Variants in SLC25A21 observed in about 807,000 individuals in gnomAD.
The protein encoded by SLC25A21 is mitochondrial 2-oxodicarboxylate carrier.
SLC25A21 carries 47 observed loss-of-function variants against 43.8 expected under a neutral mutation model. The observed-to-expected ratio is 1.07, with a 90% CI of 0.85 to 1.37. The LOEUF is 1.37. Among genes scored for constraint, SLC25A21 ranks in the 40% most tolerant of loss-of-function variants. SLC25A21 has a pLI of 0.00. For missense variants in SLC25A21, 352 were observed against 350.2 expected, an observed-to-expected ratio of 1.00 and a Z score of -0.04; for synonymous variants, 131 against 121.3, an observed-to-expected ratio of 1.08 and a Z score of -0.52.
At chr14:37,044,667 A>G (rs955893125) in intron 1 of SLC25A21, among the ~76,000 whole-genome samples, 1 of 152,170 alleles carries the variant, frequency 6.6e-6, no homozygotes, top group Admixed American at 6.5e-5. Flanking sequence ...GGGCTTTCTT[A>G]AGGTAGATAC....
chr14:37,136,973 T>C (rs1186397741), intron 1 of SLC25A21, among the ~76,000 whole-genome samples: 1 of 152,154 alleles, frequency 6.6e-6, no homozygotes, highest in Admixed American at 6.5e-5. Flanking sequence ...ATTCTGTATG[T>C]CTGAAATCTG....
At chr14:36,710,555 C>T (rs28633981) in intron 7 of SLC25A21, among the ~76,000 whole-genome samples, 2,866 of 152,090 alleles carry the variant, frequency 0.019, 107 homozygotes, top group African/African-American at 0.066. Context: ...CTCAGCCTCC[C>T]GAGTAGCTTC....
At chr14:36,903,996 G>A (rs529546591) in intron 1 of SLC25A21, among the ~76,000 whole-genome samples, 3 of 152,264 alleles carry the variant, frequency 2.0e-5, no homozygotes, top group African/African-American at 7.2e-5. Context: ...TAGAATAAAC[G>A]CTCAGGCAAT....
chr14:37,057,455 T>C (rs1055893514), intron 1 of SLC25A21, among the ~76,000 whole-genome samples: 1 of 152,238 alleles, frequency 6.6e-6, no homozygotes, highest in African/African-American at 2.4e-5. Flanking sequence ...CAATTTCTTT[T>C]GAGTTTTCTA....
intron 3 of SLC25A21, among the ~76,000 whole-genome samples, chr14:36,812,202 T>A (rs1290244501): frequency 1.3e-5 from 2 of 152,050 alleles, no homozygotes; most frequent in Non-Finnish European, 2.9e-5. Flanking sequence ...TTAGGACAGT[T>A]GTGTTTTTCA....
chr14:36,916,538 T>G (rs1028983221), intron 1 of SLC25A21, among the ~76,000 whole-genome samples: 2 of 152,336 alleles, frequency 1.3e-5, no homozygotes, highest in Admixed American at 1.3e-4. Context: ...AATATGCCGA[T>G]GGAGTCTACT....
rs59081965 is a variant in SLC25A21, at chr14:37,043,940, G to GTT, written c.70+128339_70+128340dup. On this transcript the variant is annotated intron_variant, in intron 1 of 9. Transcript: ENST00000331299. Reference sequence around the variant, plus strand: ...TGTTTTGTTTGTTTTATGTTTTTTTGTTTTTTTTTTTTTTTTTGGTGGAGA... The same window carrying GTT: ...TGTTTTGTTTGTTTTATGTTTTTTTGTTTTTTTTTTTTTTTTTTTGGTGGAGA... Among the ~76,000 whole-genome samples, 68 of 56,780 alleles carry GTT rather than the reference G, an allele frequency of 1.2e-3. 1 individual carries two copies. The highest frequency in any genetic ancestry group is 3.7e-3 in the African/African-American group (54 of 14,460). The allele number at this position is 56,780 out of a possible 152,430, so 37.2% of individuals were successfully genotyped here. A position where few individuals can be genotyped will look rare whatever the true frequency, so the allele number is the denominator to read the frequency against.
intron 1 of SLC25A21, among the ~76,000 whole-genome samples, chr14:37,168,165 T>C (rs1192118656): frequency 6.6e-6 from 1 of 152,000 alleles, no homozygotes; most frequent in African/African-American, 2.4e-5. Flanking sequence ...GTACCAAGGG[T>C]CTGATCCAGT....
intron 1 of SLC25A21, among the ~76,000 whole-genome samples, chr14:36,885,481 T>C (rs1890887702): frequency 6.6e-6 from 1 of 152,212 alleles, no homozygotes; most frequent in Non-Finnish European, 1.5e-5. Context: ...AGAATTATTT[T>C]TTCTATTTCT....
At chr14:36,770,698 T>A (rs1886589063) in intron 3 of SLC25A21, among the ~76,000 whole-genome samples, 1 of 152,202 alleles carries the variant, frequency 6.6e-6, no homozygotes, top group South Asian at 2.1e-4. Context: ...CTATTACAAC[T>A]GTTTCTATGA....
At chr14:37,088,780 A>G (rs915128766) in intron 1 of SLC25A21, among the ~76,000 whole-genome samples, 1 of 152,206 alleles carries the variant, frequency 6.6e-6, no homozygotes, top group African/African-American at 2.4e-5. Context: ...ATTAGTAACC[A>G]AGAAAACACC....
intron 1 of SLC25A21, among the ~76,000 whole-genome samples, chr14:37,165,539 A>C (rs1964016259): frequency 3.3e-5 from 5 of 152,204 alleles, no homozygotes; most frequent in Admixed American, 3.3e-4. Context: ...GGACTGGCAG[A>C]CTTTGGGGAA....
chr14:36,835,696 T>C (rs1485923081), intron 2 of SLC25A21, among the ~76,000 whole-genome samples: 2 of 152,240 alleles, frequency 1.3e-5, no homozygotes, highest in African/African-American at 4.8e-5. Flanking sequence ...TGTGAAAATA[T>C]AACATGTTCA....
At chr14:36,776,551 TTC>T (rs1396660346) in intron 3 of SLC25A21, among the ~76,000 whole-genome samples, 1 of 151,904 alleles carries the variant, frequency 6.6e-6, no homozygotes, top group Non-Finnish European at 1.5e-5. Flanking sequence ...CCCAACTGCT[TTC>T]TTTGTTCCTA....
Position 36,679,589 on chromosome 14 carries a change from A to C in SLC25A21, c.*1069T>G, listed in dbSNP as rs530759103. ...TACATGTTAGTATAGTAATCCTTAGAAATGCTAAGTGTATTTCTTTTTCAG... is the reference window on the plus strand; with the variant it reads ...TACATGTTAGTATAGTAATCCTTAGCAATGCTAAGTGTATTTCTTTTTCAG... On this transcript the variant is annotated 3_prime_UTR_variant, in exon 10 of 10. Coordinates refer to ENST00000331299, the MANE Select transcript of SLC25A21 (RefSeq NM_030631.4). 1.4e-5 allele frequency: 14 copies of C among 985,418 alleles called. No homozygotes were observed. The South Asian group carries it at 6.6e-4, about 46-fold the overall frequency. 61.0% of individuals were successfully genotyped at this position (985,418 alleles called of 1,614,324 possible).
chr14:36,897,555 C>A (rs939043173), intron 1 of SLC25A21, among the ~76,000 whole-genome samples: 1 of 152,206 alleles, frequency 6.6e-6, no homozygotes, highest in South Asian at 2.1e-4. Flanking sequence ...CATTCTACGT[C>A]CAGCTTTGTT....
intron 1 of SLC25A21, among the ~76,000 whole-genome samples, chr14:36,958,161 C>G (rs1959391777): frequency 6.6e-6 from 1 of 151,120 alleles, no homozygotes; most frequent in Admixed American, 6.6e-5. Flanking sequence ...GCCTAGACAA[C>G]CAAACTGCCA....
At chr14:36,939,517 T>C (rs1892505131) in intron 1 of SLC25A21, among the ~76,000 whole-genome samples, 1 of 152,122 alleles carries the variant, frequency 6.6e-6, no homozygotes, top group African/African-American at 2.4e-5. Flanking sequence ...TGTGACATAC[T>C]ATCTCCAGGT....
At chr14:36,779,860 T>G (rs60708031) in intron 3 of SLC25A21, among the ~76,000 whole-genome samples, 70,003 of 151,118 alleles carry the variant, frequency 0.46, 17,211 homozygotes, top group East Asian at 0.69. Context: ...TGAATATTTT[T>G]GGAACCTCTA....
Sources: allele counts gnomAD v4.1 joint callset (sites outside exome capture counted in the v4.1 genomes callset), GRCh38; gene constraint gnomAD v4.1.1; transcripts MANE v1.5; gene names NCBI Gene and HGNC (gene_info 2026-07-23, HGNC 2026-07-21).